The following TEX26 variants were observed in gnomAD, a reference collection of about 807,000 sequenced individuals.
The protein encoded by TEX26 is testis-expressed protein 26.
In TEX26, 34 loss-of-function variants were observed where a neutral mutation model predicts 35.3. The observed-to-expected ratio is 0.96, with a 90% CI of 0.73 to 1.28. The LOEUF is 1.28. Among genes scored for constraint, TEX26 ranks in the 50% most tolerant of loss-of-function variants. The probability of loss-of-function intolerance (pLI) is 0.00; values close to 1 mark genes in which losing one functional copy is unlikely to be tolerated. For synonymous variants in TEX26, 136 were observed against 111.8 expected, an observed-to-expected ratio of 1.22 and a Z score of -1.36; for missense variants, 371 against 330.1, an observed-to-expected ratio of 1.12 and a Z score of -0.96.
intron 4 of TEX26, among the ~76,000 whole-genome samples, chr13:30,959,854 A>G (rs538758774): frequency 6.3e-4 from 96 of 152,334 alleles, no homozygotes; most frequent in African/African-American, 2.1e-3. Context: ...TCACTAATGC[A>G]TGTAAGTGTG....
At chr13:30,950,036 G>A (rs899671410) in intron 2 of TEX26, among the ~76,000 whole-genome samples, 4 of 152,120 alleles carry the variant, frequency 2.6e-5, no homozygotes, top group African/African-American at 9.7e-5. Context: ...TTTATTGAAT[G>A]ATTAATACAA....
intron 4 of TEX26, 102 bp downstream of exon 4, chr13:30,957,131 AGTCTAGGCAT>A: frequency 1.6e-6 from 2 of 1,246,064 alleles, no homozygotes; most frequent in Non-Finnish European, 2.2e-6. Context: ...AGGAACTTGA[AGTCTAGGCAT>A]GGAGACAGGC....
intron 1 of TEX26, among the ~76,000 whole-genome samples, chr13:30,937,219 A>G (rs781012368): frequency 3.3e-5 from 5 of 152,108 alleles, no homozygotes; most frequent in Non-Finnish European, 7.4e-5. Flanking sequence ...GCACCTGGCA[A>G]TTGGTGACCC....
At chr13:30,939,011 A>G (rs1953377105) in intron 1 of TEX26, among the ~76,000 whole-genome samples, 1 of 152,254 alleles carries the variant, frequency 6.6e-6, no homozygotes, top group Non-Finnish European at 1.5e-5. Context: ...GAACTACGCC[A>G]GATGACTTGG....
chr13:30,956,863 G>A lies in TEX26; in HGVS notation c.313-10G>A. 6.2e-7 allele frequency: 1 copy of A among 1,612,668 alleles called. No homozygotes were observed. The highest frequency in any genetic ancestry group is 8.5e-7 in the Non-Finnish European group (1 of 1,178,978). On this transcript the variant is annotated splice_polypyrimidine_tract_variant and intron_variant, in intron 3 of 6. Transcript: ENST00000380473. ...ATGGATTTTCTTGAAAATTATGTTT[G>A]CTTTGATAGGACATTTTCCTGTGGA...
chr13:30,955,842 C>G (rs1954108094), intron 3 of TEX26, among the ~76,000 whole-genome samples: 1 of 152,044 alleles, frequency 6.6e-6, no homozygotes. Context: ...CCTCCCGTCA[C>G]AGCATGTGTG....
chr13:30,932,662 C>A lies in TEX26; in HGVS notation c.-54C>A. 5.0e-6 allele frequency: 8 copies of A among 1,588,732 alleles called. No homozygotes were observed. Among genetic ancestry groups the A allele is most frequent in the Non-Finnish European group, 6.9e-6 (8 of 1,166,768 alleles). On this transcript the variant is annotated 5_prime_UTR_variant, in exon 1 of 7. Transcript: ENST00000380473. ...GCGTCACAAAGCAGCCCGCGGCTCC[C>A]GCAAGCGCTGAGATAGCTGGAGCCA...
At chr13:30,959,027 C>T (rs971890664) in intron 4 of TEX26, among the ~76,000 whole-genome samples, 4 of 152,164 alleles carry the variant, frequency 2.6e-5, no homozygotes, top group Non-Finnish European at 4.4e-5. Flanking sequence ...TTGCCCAGCT[C>T]AGGACTGGTG....
intron 2 of TEX26, among the ~76,000 whole-genome samples, chr13:30,949,832 T>C (rs1254390850): frequency 6.6e-6 from 1 of 152,140 alleles, no homozygotes; most frequent in African/African-American, 2.4e-5. Flanking sequence ...TTTTATTAAT[T>C]TCATCAGACA....
In TEX26 at chr13:30,974,873, G is replaced by A. The variant is rs771596205; in HGVS notation, c.836G>A (p.Arg279His). 39 of 1,559,300 alleles carry A rather than the reference G, an allele frequency of 2.5e-5. No homozygotes were observed. The highest frequency in any genetic ancestry group is 8.0e-5 in the Admixed American group (4 of 49,700). Reference sequence around the variant, plus strand: ...AGACAAATTATTGATCGCTTTATTCGTACTCACTGTGACACTAACAAAAAG... The same window carrying A: ...AGACAAATTATTGATCGCTTTATTCATACTCACTGTGACACTAACAAAAAG... ...KDRQIIDRFI[R>H]THCDTNKKKK Residue 279 changes from arginine to histidine, a missense_variant, in exon 7 of 7, where the codon CGT becomes CAT. Transcript: ENST00000380473.
At chr13:30,946,157 C>T (rs1462631460) in intron 2 of TEX26, among the ~76,000 whole-genome samples, 3 of 151,700 alleles carry the variant, frequency 2.0e-5, no homozygotes, top group Non-Finnish European at 3.0e-5. Context: ...TCTTTTTATT[C>T]TTTTTTCTTT....
intron 5 of TEX26, among the ~76,000 whole-genome samples, chr13:30,968,486 C>T (rs965211671): frequency 6.6e-6 from 1 of 152,200 alleles, no homozygotes; most frequent in African/African-American, 2.4e-5. Context: ...CTTCTGTCTG[C>T]AGGCCTTCTC....
chr13:30,935,072 C>T (rs536710722), intron 1 of TEX26, among the ~76,000 whole-genome samples: 1 of 152,362 alleles, frequency 6.6e-6, no homozygotes, highest in African/African-American at 2.4e-5. Context: ...AGGAAGGACA[C>T]CCTTCACCCA....
rs182564618 is a variant in TEX26 at position 30,946,155 on chromosome 13, T to A, written c.146+6377T>A. Among the ~76,000 whole-genome samples, 49 of 152,000 alleles carry A rather than the reference T, an allele frequency of 3.2e-4. 1 individual carries two copies. In the East Asian group the frequency reaches 9.3e-3, roughly 29 times the overall value. ...TGGAGACTTTACTCATTTCTTTTTA[T>A]TCTTTTTTCTTTATTTTTGTCTGGG... On this transcript the variant is annotated intron_variant, in intron 2 of 6. Transcript: ENST00000380473.
At chr13:30,937,210 C>T (rs1411766303) in intron 1 of TEX26, among the ~76,000 whole-genome samples, 2 of 152,142 alleles carry the variant, frequency 1.3e-5, no homozygotes, top group Non-Finnish European at 2.9e-5. Flanking sequence ...CTGATCCAGG[C>T]ACCTGGCAAT....
chr13:30,957,374 A>G (rs1185709505), intron 4 of TEX26, among the ~76,000 whole-genome samples: 1 of 152,172 alleles, frequency 6.6e-6, no homozygotes, highest in Non-Finnish European at 1.5e-5. Flanking sequence ...GAACTAAAAG[A>G]ACTTCAGCAA....
At position 30,952,693 on chromosome 13, in the gene TEX26, TTC is replaced by T. The variant is rs1953973571; in HGVS notation, c.181_182del (p.Ser61ThrfsTer2). 2 of 1,608,048 alleles carry T rather than the reference TTC, an allele frequency of 1.2e-6. No homozygotes were observed. The highest frequency in any genetic ancestry group is 3.4e-5 in the Admixed American group (2 of 59,112). On this transcript the variant is annotated frameshift_variant, in exon 3 of 7. Transcript: ENST00000380473. LOFTEE classifies it high-confidence loss of function. The stretch of plus-strand genomic sequence containing the variant: ...GTATCAGAAGATTAGGATATACATA[TTC>T]ACTTAGTGATCCTATTCTCAATCAG... The part of the protein sequence containing the change: ...NGIRRLGYTY[S>X]LSDPILNQTQ...
chr13:30,970,978 G>T (rs950488620), intron 6 of TEX26, among the ~76,000 whole-genome samples: 3 of 152,330 alleles, frequency 2.0e-5, no homozygotes, highest in Admixed American at 6.5e-5. Context: ...TAGCTCTTCT[G>T]CTTTCCTGGT....
chr13:30,938,316 C>A (rs1953348546), intron 1 of TEX26, among the ~76,000 whole-genome samples: 1 of 152,136 alleles, frequency 6.6e-6, no homozygotes, highest in African/African-American at 2.4e-5. Context: ...TGTCTTAGTC[C>A]ATTTTCTGTT....
Sources: allele counts gnomAD v4.1 joint callset (sites outside exome capture counted in the v4.1 genomes callset), GRCh38; gene constraint gnomAD v4.1.1; transcripts MANE v1.5; gene names NCBI Gene and HGNC (gene_info 2026-07-23, HGNC 2026-07-21).